Variants in TIAM1 observed in about 807,000 individuals in gnomAD.
The protein encoded by TIAM1 is TIAM Rac1 associated GEF 1.
Under a neutral mutation model 163.5 loss-of-function variants are expected in TIAM1, and 65 were observed. The ratio of observed to expected loss-of-function variants is 0.40; its 90% CI spans 0.33 to 0.49. The LOEUF is 0.49. TIAM1 is among the 20% of genes least tolerant of loss of function. TIAM1 has a pLI of 0.77. For synonymous variants in TIAM1, 833 were observed against 810.1 expected (o/e 1.03, Z -0.48); for missense variants, 1,789 against 2,044.7 (o/e 0.87, Z 2.41).
intron 1 of TIAM1, among the ~76,000 whole-genome samples, chr21:31,496,889 A>G (rs777799645): frequency 6.6e-6 from 1 of 152,090 alleles, no homozygotes; most frequent in Non-Finnish European, 1.5e-5. Context: ...TGGTTTCAGA[A>G]TGAAGCTGCT....
chr21:31,191,335 T>C (rs1008211786), intron 13 of TIAM1, among the ~76,000 whole-genome samples: 23 of 152,094 alleles, frequency 1.5e-4, no homozygotes, highest in African/African-American at 5.1e-4. Flanking sequence ...TTTTTATCTT[T>C]AGTAGAGATG....
In TIAM1 at chr21:31,141,252, T is replaced by C. The variant is rs763444193; in HGVS notation, c.3656-16A>G. On this transcript the variant is annotated splice_polypyrimidine_tract_variant and intron_variant, in intron 21 of 27. Transcript: ENST00000541036. The surrounding 1 kb of genome is among the most constrained non-coding windows in gnomAD (Gnocchi z 4.7). The stretch of plus-strand genomic sequence containing the variant: ...TTGATGGCCACTGGAAGAAAACAGG[T>C]TGTGAAATGAGAGGCTATTTAGAGA... The C allele has an allele frequency of 1.2e-6, 2 of 1,613,822 alleles. No individual in the cohort carries two copies. Among genetic ancestry groups the C allele is most frequent in the Non-Finnish European group, 8.5e-7 (1 of 1,179,948 alleles).
intron 6 of TIAM1, among the ~76,000 whole-genome samples, chr21:31,239,600 A>C (rs1387981495): frequency 1.3e-5 from 2 of 152,334 alleles, no homozygotes; most frequent in Non-Finnish European, 2.9e-5. Context: ...AGTAAAAAGC[A>C]AGCCACAGAG....
chr21:31,478,617 TTTTC>T (rs1035794160), intron 1 of TIAM1, among the ~76,000 whole-genome samples: 16 of 152,340 alleles, frequency 1.1e-4, no homozygotes, highest in African/African-American at 3.6e-4. Flanking sequence ...TTCTTTTTGT[TTTTC>T]TTTTTTTGTC....
chr21:31,281,330 C>CT (rs2073556902), intron 2 of TIAM1, among the ~76,000 whole-genome samples: 2 of 152,058 alleles, frequency 1.3e-5, no homozygotes, highest in Non-Finnish European at 2.9e-5. Flanking sequence ...TATTATTTGT[C>CT]TTATCAATAC....
At chr21:31,547,106 A>G (rs969375844) in intron 1 of TIAM1, among the ~76,000 whole-genome samples, 3 of 152,232 alleles carry the variant, frequency 2.0e-5, no homozygotes, top group Non-Finnish European at 4.4e-5. Context: ...GAAGACATGG[A>G]TCACTACAAT....
chr21:31,381,497 GTC>G (rs1318804386), intron 2 of TIAM1, among the ~76,000 whole-genome samples: 1 of 151,992 alleles, frequency 6.6e-6, no homozygotes, highest in Non-Finnish European at 1.5e-5. Context: ...GTGAATCCCT[GTC>G]TCTACTAAAA....
intron 1 of TIAM1, among the ~76,000 whole-genome samples, chr21:31,526,085 TG>T (rs2047774966): frequency 6.6e-6 from 1 of 151,684 alleles, no homozygotes; most frequent in South Asian, 2.1e-4. Flanking sequence ...CAACTTGCTT[TG>T]AACCTGGTCT....
chr21:31,374,268 C>T (rs988494570), intron 2 of TIAM1, among the ~76,000 whole-genome samples: 2 of 152,136 alleles, frequency 1.3e-5, no homozygotes, highest in Non-Finnish European at 2.9e-5. Context: ...ATACTGGGTG[C>T]TGGTAAGAAG....
chr21:31,324,811 A>G (rs1237697262), intron 2 of TIAM1, among the ~76,000 whole-genome samples: 1 of 152,338 alleles, frequency 6.6e-6, no homozygotes, highest in South Asian at 2.1e-4. Flanking sequence ...CAACAAAATC[A>G]TTTCTTTAAG....
intron 1 of TIAM1, among the ~76,000 whole-genome samples, chr21:31,556,365 CAG>C (rs1569432013): frequency 6.6e-6 from 1 of 152,182 alleles, no homozygotes; most frequent in African/African-American, 2.4e-5. Flanking sequence ...ACGGAAGAGA[CAG>C]AGCGCAATCC....
At chr21:31,523,108 T>C (rs62222869) in intron 1 of TIAM1, among the ~76,000 whole-genome samples, 31,283 of 152,200 alleles carry the variant, frequency 0.21, 3,362 homozygotes, top group Middle Eastern at 0.28. Context: ...TTGCAACTTA[T>C]CACACCTTAC....
chr21:31,210,132 G>C lies in TIAM1; in HGVS notation c.2301C>G (p.Ser767=), dbSNP rs780930906. 4 of 1,614,088 alleles carry C rather than the reference G, an allele frequency of 2.5e-6. No individual in the cohort carries two copies. Among genetic ancestry groups the C allele is most frequent in the Non-Finnish European group, 3.4e-6 (4 of 1,180,042 alleles). Residue 767 remains serine, a synonymous_variant, in exon 11 of 28, where the codon TCC becomes TCG. Transcript: ENST00000541036. Reference sequence around the variant, plus strand: ...GCTGATTATTGGGCAGACAGAACCAGGATGGAGTGAAATACTCGTGGACCC... The same window carrying C: ...GCTGATTATTGGGCAGACAGAACCACGATGGAGTGAAATACTCGTGGACCC... ...DIWVHEYFTP[S]WFCLPNNQPA...
chr21:31,137,057 C>T (rs1034308634), intron 22 of TIAM1, among the ~76,000 whole-genome samples: 4 of 152,228 alleles, frequency 2.6e-5, no homozygotes, highest in Non-Finnish European at 4.4e-5. Flanking sequence ...CATCTAGACA[C>T]GATGATCCAG....
At chr21:31,469,536 T>C (rs1045259143) in intron 1 of TIAM1, among the ~76,000 whole-genome samples, 1 of 152,106 alleles carries the variant, frequency 6.6e-6, no homozygotes. Context: ...GAATTTAACA[T>C]TCAATTTTCT....
chr21:31,149,641 T>C (rs1049695278), intron 19 of TIAM1, among the ~76,000 whole-genome samples: 8 of 152,220 alleles, frequency 5.3e-5, no homozygotes, highest in Admixed American at 5.2e-4. Flanking sequence ...ATAATGAATG[T>C]TAGCTACTTT....
chr21:31,352,545 T>A (rs1450204978), intron 2 of TIAM1, among the ~76,000 whole-genome samples: 142 of 132,480 alleles, frequency 1.1e-3, no homozygotes, highest in African/African-American at 3.5e-3. Context: ...TATGTAGCTT[T>A]AAAAAAAAAA....
At chr21:31,338,089 A>G (rs534495112) in intron 2 of TIAM1, among the ~76,000 whole-genome samples, 171 of 152,248 alleles carry the variant, frequency 1.1e-3, no homozygotes, top group Middle Eastern at 6.8e-3. Flanking sequence ...CTCCGTGTCC[A>G]GACAGCCCTT....
intron 2 of TIAM1, among the ~76,000 whole-genome samples, chr21:31,400,336 G>T (rs930040016): frequency 1.3e-5 from 2 of 152,054 alleles, no homozygotes; most frequent in African/African-American, 4.8e-5. Context: ...CACCATGTTA[G>T]CCAAGCTGGT....
Sources: gnomAD v4.1 joint callset for allele counts (sites outside exome capture counted in the v4.1 genomes callset) on GRCh38, gnomAD v4.1.1 for gene constraint, Gnocchi (gnomAD v3.1) non-coding constraint, MANE v1.5 for transcripts, NCBI Gene and HGNC (gene_info 2026-07-23, HGNC 2026-07-21) for gene names.